Variants in PACSIN2 observed in about 807,000 individuals in gnomAD.
The protein encoded by PACSIN2 is protein kinase C and casein kinase substrate in neurons 2.
PACSIN2 carries 25 observed loss-of-function variants against 63.8 expected under a neutral mutation model. That is an observed-to-expected ratio of 0.39 (90% CI 0.29 to 0.55). The LOEUF is 0.55. PACSIN2 is among the 20% of genes least tolerant of loss of function. The pLI, the probability that PACSIN2 is intolerant of heterozygous loss-of-function variation, is 0.62. For missense variants in PACSIN2, 518 were observed against 646.9 expected (o/e 0.80, Z 2.16); for synonymous variants, 255 against 256.2 (o/e 1.00, Z 0.05).
intron 1 of PACSIN2, among the ~76,000 whole-genome samples, chr22:42,941,934 G>A (rs1426780661): frequency 2.0e-5 from 3 of 151,948 alleles, no homozygotes; most frequent in African/African-American, 7.2e-5. Flanking sequence ...GGGCCAACAC[G>A]CCCAGCTAAT....
At chr22:42,999,995 C>T (rs1338845502) in intron 1 of PACSIN2, among the ~76,000 whole-genome samples, 2 of 152,358 alleles carry the variant, frequency 1.3e-5, no homozygotes, top group African/African-American at 2.4e-5. Flanking sequence ...ATCCCATCTG[C>T]ACAACAATCC....
intron 2 of PACSIN2, among the ~76,000 whole-genome samples, chr22:42,894,235 GA>G (rs1298134460): frequency 2.3e-4 from 34 of 145,310 alleles, no homozygotes; most frequent in Non-Finnish European, 2.3e-4. Flanking sequence ...GGCTAGGCTG[GA>G]GCTGAAGGCA....
Position 42,912,033 on chromosome 22 carries a change from G to C in PACSIN2, c.48C>G (p.Asp16Glu). The change falls in exon 2 of 11, where the codon GAC (aspartate) becomes GAG (glutamate). Residue 16 changes from aspartate to glutamate, a missense_variant. Physicochemically the swap from Asp to Glu is conservative, Grantham distance 45 (BLOSUM62 2). Transcript: ENST00000263246. ...DDSVGVEVSSDSFWEVGNYKR... is the reference protein window; with the variant it reads ...DDSVGVEVSSESFWEVGNYKR... ...GCAGGTGCATTACCTCCCAGAAGCT[G>C]TCGCTGGACACTTCTACTCCAACGG... The C allele has an allele frequency of 6.2e-7, 1 of 1,606,044 alleles. No homozygotes were observed. Among genetic ancestry groups the C allele is most frequent in the Non-Finnish European group, 8.5e-7 (1 of 1,176,508 alleles).
chr22:42,952,991 G>A (rs1342950818), intron 1 of PACSIN2, among the ~76,000 whole-genome samples: 1 of 152,090 alleles, frequency 6.6e-6, no homozygotes, highest in East Asian at 1.9e-4. Flanking sequence ...TTTAAAAGAA[G>A]GAAATTATTT....
chr22:42,968,557 G>C (rs1348509672), intron 1 of PACSIN2, among the ~76,000 whole-genome samples: 3 of 152,144 alleles, frequency 2.0e-5, no homozygotes, highest in Non-Finnish European at 4.4e-5. Flanking sequence ...AACTTGACTG[G>C]AACACCTAGG....
intron 1 of PACSIN2, among the ~76,000 whole-genome samples, chr22:42,928,761 A>G (rs1341918927): frequency 1.3e-5 from 2 of 152,238 alleles, no homozygotes; most frequent in Non-Finnish European, 2.9e-5. Context: ...CTAAACAAAC[A>G]AAATCAATAA....
rs769969045 is a variant in PACSIN2, at chr22:42,987,494, C to CACACACACACACA, written c.-78+27526_-78+27527insTGTGTGTGTGTGT. On this transcript the variant is annotated intron_variant, in intron 1 of 10. Coordinates refer to ENST00000263246, the MANE Select transcript of PACSIN2 (RefSeq NM_001184970.3). ...CACACACACACACACACACACACAC[C>CACACACACACACA]CATGGCACCATGTTCAGAAGACGGG... is the stretch of plus-strand genomic sequence containing the variant. 1.6e-3 allele frequency among the ~76,000 whole-genome samples: 112 copies of CACACACACACACA among 68,042 alleles called. 1 individual carries two copies. The highest frequency in any genetic ancestry group is 3.9e-3 in the African/African-American group (63 of 16,350). The allele number at this position is 68,042 out of a possible 152,430, so 44.6% of individuals were successfully genotyped here. A position where few individuals can be genotyped will look rare whatever the true frequency, so the allele number is the denominator to read the frequency against.
intron 1 of PACSIN2, among the ~76,000 whole-genome samples, chr22:42,957,881 A>G (rs1034789272): frequency 6.6e-6 from 1 of 152,132 alleles, no homozygotes; most frequent in African/African-American, 2.4e-5. Context: ...GCCCGCTTCT[A>G]TCAGTAACAA....
Position 42,888,810 on chromosome 22 carries a change from A to T in PACSIN2, c.454-12T>A, listed in dbSNP as rs774749175. The T allele has an allele frequency of 6.2e-7, 1 of 1,613,978 alleles. No homozygotes were observed. The highest frequency in any genetic ancestry group is 8.5e-7 in the Non-Finnish European group (1 of 1,179,894). Reference sequence around the variant, plus strand: ...TTTGCTGCTTCTACCTACAGGGAGAATGAGTTCCTGAATGCCATGTCACTG... The same window carrying T: ...TTTGCTGCTTCTACCTACAGGGAGATTGAGTTCCTGAATGCCATGTCACTG... On this transcript the variant is annotated splice_polypyrimidine_tract_variant and intron_variant, in intron 4 of 10. Transcript: ENST00000263246.
chr22:42,915,076 C>T lies in PACSIN2; in HGVS notation c.-77-2919G>A, dbSNP rs187222181. 2.0e-5 allele frequency among the ~76,000 whole-genome samples: 3 copies of T among 152,254 alleles called. No homozygotes were observed. In the East Asian group the frequency reaches 5.8e-4, roughly 29 times the overall value. Reference sequence around the variant, plus strand: ...TGGAAACTGGGGTCTCACTGTTGCCCAGACTGGTCTCAAACTCCTGGGCTC... The same window carrying T: ...TGGAAACTGGGGTCTCACTGTTGCCTAGACTGGTCTCAAACTCCTGGGCTC... On this transcript the variant is annotated intron_variant, in intron 1 of 10. Transcript: ENST00000263246.
chr22:42,984,129 T>C (rs747479790), intron 1 of PACSIN2, among the ~76,000 whole-genome samples: 49 of 151,790 alleles, frequency 3.2e-4, no homozygotes, highest in Non-Finnish European at 6.5e-4. Context: ...CACCACCACA[T>C]CTGGCTAATT....
At chr22:42,934,982 C>A (rs570419736) in intron 1 of PACSIN2, among the ~76,000 whole-genome samples, 1 of 152,024 alleles carries the variant, frequency 6.6e-6, no homozygotes, top group South Asian at 2.1e-4. Flanking sequence ...GTGGCGCAAT[C>A]TCGGCTCACT....
At chr22:42,992,307 A>C (rs1419355664) in intron 1 of PACSIN2, among the ~76,000 whole-genome samples, 1 of 152,230 alleles carries the variant, frequency 6.6e-6, no homozygotes, top group Non-Finnish European at 1.5e-5. Context: ...ACTAGAACCC[A>C]GTGCTGGTGA....
At chr22:42,910,634 C>T (rs571070710) in intron 2 of PACSIN2, among the ~76,000 whole-genome samples, 5 of 152,330 alleles carry the variant, frequency 3.3e-5, no homozygotes, top group South Asian at 2.1e-4. Flanking sequence ...TGGCTGGCGA[C>T]CTGTTTGGCT....
intron 2 of PACSIN2, among the ~76,000 whole-genome samples, chr22:42,895,560 T>G (rs1211439316): frequency 6.6e-6 from 1 of 152,234 alleles, no homozygotes; most frequent in East Asian, 1.9e-4. Context: ...GGATATTTCT[T>G]AACAAGTCAC....
At chr22:42,987,073 T>C (rs1047565261) in intron 1 of PACSIN2, among the ~76,000 whole-genome samples, 2 of 152,122 alleles carry the variant, frequency 1.3e-5, no homozygotes, top group Admixed American at 1.3e-4. Context: ...CCACCCTTGA[T>C]GTGTAGTCAA....
rs1294643300 is a variant in PACSIN2 at position 42,900,845 on chromosome 22, AAG to A, written c.61-7234_61-7233del. The stretch of plus-strand genomic sequence containing the variant: ...CAGTCACTCATGGTCATGCAACAGA[AAG>A]AGAGGCCACCTGCCCAAACATCCCT... On this transcript the variant is annotated intron_variant, in intron 2 of 10. Transcript: ENST00000263246. 2.6e-5 allele frequency among the ~76,000 whole-genome samples: 4 copies of A among 152,192 alleles called. No homozygotes were observed. In the East Asian group the frequency reaches 7.7e-4, roughly 29 times the overall value.
At chr22:42,923,721 C>T (rs1000375483) in intron 1 of PACSIN2, among the ~76,000 whole-genome samples, 4 of 152,212 alleles carry the variant, frequency 2.6e-5, no homozygotes, top group African/African-American at 9.6e-5. Flanking sequence ...GCCACTGCGC[C>T]CGGCCTCAAC....
At chr22:42,893,345 C>A (rs1779458150) in intron 3 of PACSIN2, 112 bp downstream of exon 3, 2 of 1,141,316 alleles carry the variant, frequency 1.8e-6, no homozygotes, top group South Asian at 1.3e-5. Flanking sequence ...TGCACTCTTG[C>A]CCCAATCTTA....
Sources: gnomAD v4.1 joint callset for allele counts (sites outside exome capture counted in the v4.1 genomes callset) on GRCh38, gnomAD v4.1.1 for gene constraint, MANE v1.5 for transcripts, NCBI Gene and HGNC (gene_info 2026-07-23, HGNC 2026-07-21) for gene names.